Variants in EML1 observed in about 807,000 individuals in gnomAD.
The protein encoded by EML1 is echinoderm microtubule-associated protein-like 1.
Under a neutral mutation model 110.4 loss-of-function variants are expected in EML1, and 27 were observed. That is an observed-to-expected ratio of 0.24 (90% CI 0.18 to 0.34). The LOEUF (loss-of-function observed/expected upper bound fraction) is 0.34, where lower values mean the gene tolerates loss of function less well. Among genes scored for constraint, EML1 ranks in the 10% least tolerant of loss-of-function variants. The pLI is 1.00. For synonymous variants in EML1, 344 were observed against 385.8 expected, an observed-to-expected ratio of 0.89 and a Z score of 1.27; for missense variants, 741 against 1,030.9, an observed-to-expected ratio of 0.72 and a Z score of 3.85.
At chr14:99,799,498 CTGAGGCATTCTG>C (rs2057835436) in intron 1 of EML1, among the ~76,000 whole-genome samples, 2 of 152,332 alleles carry the variant, frequency 1.3e-5, no homozygotes, top group East Asian at 3.9e-4. Flanking sequence ...AGAAGACTGA[CTGAGGCATTCTG>C]TGATAGCAAA....
chr14:99,927,779 T>TGG (rs2060262641), intron 17 of EML1, among the ~76,000 whole-genome samples: 1 of 75,938 alleles, frequency 1.3e-5, no homozygotes, highest in African/African-American at 5.6e-5. Context: ...GTGGTGGTGG[T>TGG]AGTGGTGGTG....
At chr14:99,770,083 C>T (rs539858585), upstream of EML1, among the ~76,000 whole-genome samples, 1 of 152,344 alleles carries the variant, frequency 6.6e-6, no homozygotes, top group Admixed American at 6.5e-5. Flanking sequence ...CATTCCCCCC[C>T]ATTTCCCCTA....
chr14:99,887,547 C>T (rs1367404482), intron 4 of EML1, among the ~76,000 whole-genome samples: 1 of 152,144 alleles, frequency 6.6e-6, no homozygotes, highest in African/African-American at 2.4e-5. Context: ...CCGCACCCCG[C>T]CACCGCCATG....
At chr14:99,876,199 AG>A (rs2059288437) in intron 3 of EML1, among the ~76,000 whole-genome samples, 1 of 152,140 alleles carries the variant, frequency 6.6e-6, no homozygotes, top group African/African-American at 2.4e-5. Context: ...GAGAGTGGCC[AG>A]CCCCAGGCAG....
chr14:99,820,011 C>T (rs1165160940), intron 1 of EML1, among the ~76,000 whole-genome samples: 1 of 152,186 alleles, frequency 6.6e-6, no homozygotes, highest in African/African-American at 2.4e-5. Context: ...AATAGTACTT[C>T]CCTATAACTC....
At chr14:99,766,050 TAG>T (rs1679070781) in intron 1 of EML1, among the ~76,000 whole-genome samples, 1 of 152,212 alleles carries the variant, frequency 6.6e-6, no homozygotes, top group Admixed American at 6.5e-5. Flanking sequence ...AATGAACACT[TAG>T]GCTGTTTCCA....
chr14:99,750,175 C>T (rs562917169), intron 1 of EML1, among the ~76,000 whole-genome samples: 1 of 152,244 alleles, frequency 6.6e-6, no homozygotes, highest in Non-Finnish European at 1.5e-5. Context: ...TCTCTAACAG[C>T]AGGCTCACTA....
Position 99,914,287 on chromosome 14 carries a change from TTC to T in EML1, c.1604_1605del (p.Phe535TyrfsTer9). 1 of 1,613,058 alleles carries T rather than the reference TTC, an allele frequency of 6.2e-7. No homozygotes were observed. The highest frequency in any genetic ancestry group is 1.3e-5 in the African/African-American group (1 of 75,004). ...CCTGCAGGGCACTCTGTCAGGGGAC[TTC>T]ACACCCATTACTCAGGTACGATCCC... is the stretch of plus-strand genomic sequence containing the variant. Reference protein sequence around the residue: ...FVLQGTLSGDFTPITQGHTDE... With the variant: ...FVLQGTLSGDXTPITQGHTDE... On this transcript the variant is annotated frameshift_variant, in exon 14 of 22. Transcript: ENST00000262233. LOFTEE classifies it high-confidence loss of function.
chr14:99,781,945 T>C lies in EML1; in HGVS notation c.-27+7932T>C, dbSNP rs2057544441. 6.6e-6 allele frequency among the ~76,000 whole-genome samples: 1 copy of C among 152,186 alleles called. No individual in the cohort carries two copies. Among genetic ancestry groups the C allele is most frequent in the Non-Finnish European group, 1.5e-5 (1 of 68,032 alleles). On this transcript the variant is annotated intron_variant, in intron 1 of 22. Coordinates refer to the EML1 transcript ENST00000327921. This position sits in a 1 kb window ranked among gnomAD's most constrained non-coding sequence, Gnocchi z 4.2. ...GACCCTGGGGTTTCACTAATCCCCA[T>C]GTGTCTGTCGGTCCCAAACCCAAGC...
At chr14:99,743,865 G>T (rs1305184683) in intron 1 of EML1, among the ~76,000 whole-genome samples, 1 of 152,174 alleles carries the variant, frequency 6.6e-6, no homozygotes, top group Non-Finnish European at 1.5e-5. Flanking sequence ...TAGCAAGATA[G>T]ATTTTATTTT....
At position 99,893,192 on chromosome 14, in the gene EML1, G is replaced by T. The variant is rs1331772963; in HGVS notation, c.548-1437G>T. Among the ~76,000 whole-genome samples the T allele has an allele frequency of 2.0e-5, 3 of 152,156 alleles. 1 individual carries two copies. Among genetic ancestry groups the T allele is most frequent in the Non-Finnish European group, 1.5e-5 (1 of 68,016 alleles). On this transcript the variant is annotated intron_variant, in intron 5 of 21. Coordinates refer to ENST00000262233, the MANE Select transcript of EML1 (RefSeq NM_004434.3). ...TCCTGTGCGGTGAGAGCCTGGCAGGGCATTTAGACCTGCTGGATCCAGCAA... is the reference window on the plus strand; with the variant it reads ...TCCTGTGCGGTGAGAGCCTGGCAGGTCATTTAGACCTGCTGGATCCAGCAA...
intron 1 of EML1, among the ~76,000 whole-genome samples, chr14:99,804,331 G>A (rs2057933898): frequency 6.6e-6 from 1 of 152,154 alleles, no homozygotes; most frequent in Non-Finnish European, 1.5e-5. Flanking sequence ...GGAGAGGAGG[G>A]GAGAGAAATG....
rs776705609 is a variant in EML1 at position 99,910,265 on chromosome 14, C to G, written c.1263C>G (p.Val421=). Residue 421 remains valine (V), a synonymous_variant, in exon 12 of 22, where the codon GTC becomes GTG. Coordinates refer to ENST00000262233, the MANE Select transcript of EML1 (RefSeq NM_004434.3). The part of the protein sequence containing the change: ...LFEKQEKPKF[V]LCVTFSENGD... ...AGAAACAAGAAAAGCCAAAGTTTGT[C>G]CTCTGTGTGACTTTCTCTGAAAACG... The G allele has an allele frequency of 5.0e-6, 8 of 1,612,018 alleles. No homozygotes were observed. Among genetic ancestry groups the G allele is most frequent in the Non-Finnish European group, 6.8e-6 (8 of 1,179,240 alleles).
At chr14:99,911,627 T>C (rs2059948316) in intron 13 of EML1, 51 bp downstream of exon 13, 6 of 1,572,386 alleles carry the variant, frequency 3.8e-6, no homozygotes, top group East Asian at 2.3e-5. Flanking sequence ...TAAACTGTTA[T>C]CCTTTTTTTA....
intron 1 of EML1, chr14:99,850,449 A>T (rs1595377931): frequency 1.2e-6 from 1 of 826,680 alleles, no homozygotes. Context: ...CCTACCTGTC[A>T]GTTAACATAA....
At chr14:99,935,357 G>A (rs2060448133) in intron 17 of EML1, among the ~76,000 whole-genome samples, 1 of 151,890 alleles carries the variant, frequency 6.6e-6, no homozygotes, top group Non-Finnish European at 1.5e-5. Context: ...CACGCCTGTA[G>A]TCCCAGATAC....
intron 2 of EML1, among the ~76,000 whole-genome samples, chr14:99,862,174 T>C (rs1371707195): frequency 6.6e-6 from 1 of 152,212 alleles, no homozygotes; most frequent in Non-Finnish European, 1.5e-5. Flanking sequence ...CGCCTGATGT[T>C]TTTCTCATGG....
chr14:99,782,219 A>C (rs1440751557), intron 1 of EML1, among the ~76,000 whole-genome samples: 2 of 152,154 alleles, frequency 1.3e-5, no homozygotes, highest in Non-Finnish European at 2.9e-5. Flanking sequence ...TCAAAGTAGA[A>C]AAGTGAGGGT....
At chr14:99,921,621 T>G (rs894865865) in intron 17 of EML1, among the ~76,000 whole-genome samples, 3 of 152,220 alleles carry the variant, frequency 2.0e-5, no homozygotes, top group African/African-American at 7.2e-5. Context: ...GCCAGTTTCC[T>G]GCGTCTGGAG....
Sources: allele counts gnomAD v4.1 joint callset (sites outside exome capture counted in the v4.1 genomes callset), GRCh38; gene constraint gnomAD v4.1.1; non-coding constraint Gnocchi (gnomAD v3.1); transcripts MANE v1.5; gene names NCBI Gene and HGNC (gene_info 2026-07-23, HGNC 2026-07-21).